The following SLC9B1 variants were observed in gnomAD, a reference collection of about 807,000 sequenced individuals.
SLC9B1 encodes the protein sodium/hydrogen exchanger 9B1.
SLC9B1 carries 32 observed loss-of-function variants against 51.7 expected under a neutral mutation model. The ratio of observed to expected loss-of-function variants is 0.62; its 90% CI spans 0.47 to 0.83. SLC9B1 has a LOEUF of 0.83. Among genes scored for constraint, SLC9B1 ranks in the 40% least tolerant of loss-of-function variants. The pLI is 0.00. For synonymous variants in SLC9B1, 145 were observed against 212.7 expected (o/e 0.68, Z 2.77); for missense variants, 406 against 613.2 (o/e 0.66, Z 3.57).
chr4:102,928,271 ATC>A (rs1336288501), intron 7 of SLC9B1, among the ~76,000 whole-genome samples: 1 of 152,180 alleles, frequency 6.6e-6, no homozygotes, highest in African/African-American at 2.4e-5. Flanking sequence ...GTCCTCAATC[ATC>A]TCTCTCAGTT....
intron 11 of SLC9B1, among the ~76,000 whole-genome samples, chr4:102,893,284 A>AAAAAAC (rs2110412315): frequency 7.0e-6 from 1 of 143,662 alleles, no homozygotes; most frequent in African/African-American, 2.6e-5. Flanking sequence ...TCCATCTCAA[A>AAAAAAC]AAAAAAAAAA....
At chr4:102,988,152 T>A (rs576943455) in intron 3 of SLC9B1, among the ~76,000 whole-genome samples, 158 of 152,204 alleles carry the variant, frequency 1.0e-3, no homozygotes, top group African/African-American at 3.7e-3. Context: ...TTAATTCATT[T>A]AAAGAAAAAA....
intron 3 of SLC9B1, among the ~76,000 whole-genome samples, chr4:102,965,374 C>G (rs956409945): frequency 6.6e-6 from 1 of 152,072 alleles, no homozygotes. Flanking sequence ...GCCAAGAGGC[C>G]AAACACAAGG....
intron 6 of SLC9B1, among the ~76,000 whole-genome samples, chr4:102,934,656 C>T (rs1048885187): frequency 1.3e-5 from 2 of 150,870 alleles, no homozygotes; most frequent in African/African-American, 4.9e-5. Flanking sequence ...GTCCCAGCTA[C>T]TTGGAAGGTT....
intron 3 of SLC9B1, among the ~76,000 whole-genome samples, chr4:102,976,425 A>G (rs149293748): frequency 2.7e-4 from 41 of 152,362 alleles, no homozygotes; most frequent in African/African-American, 9.9e-4. Context: ...TCTCATTTGA[A>G]GCAATAACTA....
intron 7 of SLC9B1, among the ~76,000 whole-genome samples, chr4:102,920,803 G>C (rs1735834733): frequency 1.3e-5 from 2 of 152,194 alleles, no homozygotes; most frequent in Non-Finnish European, 2.9e-5. Flanking sequence ...GTGGAAGAAA[G>C]GGTATCAGTG....
chr4:103,018,151 A>C lies in SLC9B1; in HGVS notation c.-2+1448T>G, dbSNP rs1741494304. Reference sequence around the variant, plus strand: ...TTGGTTAACCAACAGAAGTGTTTAAACAGGATGAGTACAAAAATAAGTACA... The same window carrying C: ...TTGGTTAACCAACAGAAGTGTTTAACCAGGATGAGTACAAAAATAAGTACA... On this transcript the variant is annotated intron_variant, in intron 1 of 11. Transcript: ENST00000296422. Among the ~76,000 whole-genome samples, 4 of 152,362 alleles carry C rather than the reference A, an allele frequency of 2.6e-5. No individual in the cohort carries two copies. The South Asian group carries it at 8.3e-4, about 32-fold the overall frequency.
chr4:102,891,193 T>C (rs1734231085), intron 11 of SLC9B1: 1 of 147,260 alleles, frequency 6.8e-6, no homozygotes, highest in Admixed American at 6.7e-5. Flanking sequence ...AAGTCTTCTT[T>C]TTAAAAAATT....
chr4:102,932,397 T>A, intron 6 of SLC9B1, 98 bp from the exon 7 acceptor site: 1 of 1,105,000 alleles, frequency 9.0e-7, no homozygotes, highest in Non-Finnish European at 1.3e-6. Flanking sequence ...ACAAACATTG[T>A]TTAGAAGAAT....
chr4:102,995,793 GA>G (rs1172817188), intron 1 of SLC9B1, among the ~76,000 whole-genome samples: 1 of 151,948 alleles, frequency 6.6e-6, no homozygotes, highest in Non-Finnish European at 1.5e-5. Context: ...TTCCTTATCT[GA>G]AAAAATATAT....
intron 11 of SLC9B1, among the ~76,000 whole-genome samples, chr4:102,903,107 G>A (rs1222995281): frequency 6.6e-6 from 1 of 152,190 alleles, no homozygotes; most frequent in African/African-American, 2.4e-5. Flanking sequence ...AAGCTAGCCT[G>A]AAGCCAGCAG....
chr4:102,975,159 G>C (rs1738985524), intron 3 of SLC9B1, among the ~76,000 whole-genome samples: 2 of 152,094 alleles, frequency 1.3e-5, no homozygotes, highest in African/African-American at 4.8e-5. Flanking sequence ...ACACCACAAT[G>C]CCTAGCTAAT....
chr4:102,916,270 C>A (rs1735571868), intron 7 of SLC9B1, among the ~76,000 whole-genome samples: 2 of 151,926 alleles, frequency 1.3e-5, no homozygotes, highest in African/African-American at 2.4e-5. Context: ...CAGTTGGTAA[C>A]CAAAAGAGAA....
intron 1 of SLC9B1, among the ~76,000 whole-genome samples, chr4:103,009,669 G>A (rs533837495): frequency 2.0e-5 from 3 of 152,116 alleles, no homozygotes; most frequent in Non-Finnish European, 4.4e-5. Flanking sequence ...ACATGTAGTA[G>A]GCATTTAACA....
exon 12 of SLC9B1, chr4:102,885,197 G>T: frequency 6.3e-7 from 1 of 1,597,370 alleles, no homozygotes; most frequent in South Asian, 1.1e-5. Flanking sequence ...TGCAGATTCT[G>T]ACACATCTAC....
intron 7 of SLC9B1, among the ~76,000 whole-genome samples, chr4:102,918,811 T>C (rs1249148216): frequency 3.3e-5 from 5 of 152,236 alleles, no homozygotes. Context: ...TAAATTTCTG[T>C]TGTTCATAAA....
At chr4:102,945,729 C>G (rs184096622) in intron 5 of SLC9B1, among the ~76,000 whole-genome samples, 3,429 of 152,156 alleles carry the variant, frequency 0.023, 42 homozygotes, top group Middle Eastern at 0.065. Context: ...AACTTAAAAA[C>G]TGCATAATTC....
chr4:102,945,370 A>G lies in SLC9B1; in HGVS notation c.526-50T>C, dbSNP rs377328310. 80 of 1,474,582 alleles carry G rather than the reference A, an allele frequency of 5.4e-5. 1 individual carries two copies. Among genetic ancestry groups the G allele is most frequent in the Non-Finnish European group, 6.8e-5 (75 of 1,104,544 alleles). The allele number at this position is 1,474,582 out of a possible 1,614,324, so 91.3% of individuals were successfully genotyped here. On this transcript the variant is annotated intron_variant, in intron 5 of 11. Coordinates refer to ENST00000296422, the MANE Select transcript of SLC9B1 (RefSeq NM_139173.4). ...AGATACATTTACAATGGCCAACAAG[A>G]AAATTATTTTAACAAATGTCAAACT...
rs58316456 is a variant in SLC9B1 at position 102,893,281 on chromosome 4, C to CAAAAAAAAAAAAAAAA, written c.1333-7969_1333-7954dup. On this transcript the variant is annotated intron_variant, in intron 11 of 11. Transcript: ENST00000394789. The stretch of plus-strand genomic sequence containing the variant: ...TGGGCCACAGAGCAAGACTCCATCT[C>CAAAAAAAAAAAAAAAA]AAAAAAAAAAAAAAAAAAAAAAAAG... Among the ~76,000 whole-genome samples the CAAAAAAAAAAAAAAAA allele has an allele frequency of 1.2e-3, 43 of 35,158 alleles. 1 individual carries two copies. Among genetic ancestry groups the CAAAAAAAAAAAAAAAA allele is most frequent in the East Asian group, 2.2e-3 (2 of 930 alleles). 23.1% of individuals were successfully genotyped at this position (35,158 alleles called of 152,430 possible).
Sources: gnomAD v4.1 joint callset for allele counts (sites outside exome capture counted in the v4.1 genomes callset) on GRCh38, gnomAD v4.1.1 for gene constraint, MANE v1.5 for transcripts, NCBI Gene and HGNC (gene_info 2026-07-23, HGNC 2026-07-21) for gene names.